Variants in GRID1 observed in about 807,000 individuals in gnomAD.
GRID1 encodes the protein glutamate receptor ionotropic, delta-1.
A neutral mutation model predicts 98.0 loss-of-function variants in GRID1; 28 were observed. The observed-to-expected ratio is 0.29, with a 90% CI of 0.21 to 0.39. The LOEUF is 0.39. GRID1 is among the 10% of genes least tolerant of loss of function. The probability of loss-of-function intolerance (pLI) is 1.00; values close to 1 mark genes in which losing one functional copy is unlikely to be tolerated. For synonymous variants in GRID1, 553 were observed against 538.5 expected, an observed-to-expected ratio of 1.03 and a Z score of -0.37; for missense variants, 1,111 against 1,340.5, an observed-to-expected ratio of 0.83 and a Z score of 2.67.
chr10:86,069,042 G>A (rs1277868371), intron 4 of GRID1, among the ~76,000 whole-genome samples: 1 of 152,112 alleles, frequency 6.6e-6, no homozygotes, highest in African/African-American at 2.4e-5. Flanking sequence ...TGGAGAAGCT[G>A]TGGGAAGGGG....
At chr10:86,234,156 A>T (rs898008139) in intron 2 of GRID1, among the ~76,000 whole-genome samples, 2 of 152,172 alleles carry the variant, frequency 1.3e-5, no homozygotes, top group Non-Finnish European at 2.9e-5. Context: ...TCTGTTTGCT[A>T]CCAGACCTTA....
intron 13 of GRID1, among the ~76,000 whole-genome samples, chr10:85,643,719 C>T (rs544644845): frequency 6.6e-6 from 1 of 152,008 alleles, no homozygotes; most frequent in East Asian, 1.9e-4. Flanking sequence ...TGCTGGCAGT[C>T]AGTTTTTTTT....
chr10:86,284,896 C>G (rs1187115619), intron 2 of GRID1, among the ~76,000 whole-genome samples: 1 of 152,160 alleles, frequency 6.6e-6, no homozygotes, highest in African/African-American at 2.4e-5. Context: ...CTGGCTCTAC[C>G]CTGGTCTGCA....
chr10:85,990,913 ACTT>A (rs935325706), intron 4 of GRID1, among the ~76,000 whole-genome samples: 9 of 152,150 alleles, frequency 5.9e-5, no homozygotes, highest in African/African-American at 1.9e-4. Flanking sequence ...GATACCCATA[ACTT>A]TAAGGTCACT....
intron 4 of GRID1, among the ~76,000 whole-genome samples, chr10:86,136,559 C>T (rs181617354): frequency 1.3e-5 from 2 of 152,310 alleles, no homozygotes; most frequent in Admixed American, 6.5e-5. Flanking sequence ...TTTCCATTTC[C>T]TCTGTCTGCA....
At chr10:86,269,261 G>A (rs776729578) in intron 2 of GRID1, among the ~76,000 whole-genome samples, 4 of 152,158 alleles carry the variant, frequency 2.6e-5, no homozygotes, top group Non-Finnish European at 5.9e-5. Context: ...GAGGGGTGGG[G>A]GCAGAATGAA....
At chr10:86,198,982 AG>A (rs1183975237) in intron 3 of GRID1, among the ~76,000 whole-genome samples, 18 of 152,194 alleles carry the variant, frequency 1.2e-4, no homozygotes, top group Non-Finnish European at 2.4e-4. Flanking sequence ...AGCTCAGAGA[AG>A]TCACCTTGCA....
At chr10:85,941,531 T>C (rs945479367) in intron 4 of GRID1, among the ~76,000 whole-genome samples, 6 of 152,260 alleles carry the variant, frequency 3.9e-5, no homozygotes, top group Admixed American at 2.0e-4. Flanking sequence ...GTACTTTTTA[T>C]ATTTTCCAAA....
chr10:85,646,258 A>G (rs1843188563), intron 13 of GRID1: 1 of 150,956 alleles, frequency 6.6e-6, no homozygotes, highest in Admixed American at 6.6e-5. Context: ...TCAGAGAGGC[A>G]GCGGTCCTGG....
At chr10:86,205,986 C>T (rs1446551446) in intron 3 of GRID1, among the ~76,000 whole-genome samples, 1 of 152,044 alleles carries the variant, frequency 6.6e-6, no homozygotes, top group East Asian at 1.9e-4. Context: ...GAAGGCCAGG[C>T]AATCGTCCAG....
intron 8 of GRID1, among the ~76,000 whole-genome samples, chr10:85,778,490 A>G (rs1198427496): frequency 6.6e-6 from 1 of 152,206 alleles, no homozygotes; most frequent in East Asian, 1.9e-4. Context: ...GCTCATCATT[A>G]TAGCGCCCCA....
intron 13 of GRID1, among the ~76,000 whole-genome samples, 173 bp from the exon 14 acceptor site, chr10:85,620,206 G>A (rs949773942): frequency 1.3e-5 from 2 of 152,200 alleles, no homozygotes; most frequent in Admixed American, 6.5e-5. Context: ...GCCAGCATTG[G>A]TTGAGGCCAC....
intron 4 of GRID1, among the ~76,000 whole-genome samples, chr10:85,953,657 C>T (rs989193385): frequency 6.6e-6 from 1 of 152,188 alleles, no homozygotes; most frequent in Non-Finnish European, 1.5e-5. Flanking sequence ...ATTGCAAACC[C>T]CTCTCTGCTG....
intron 3 of GRID1, among the ~76,000 whole-genome samples, chr10:86,201,543 A>C (rs960967435): frequency 6.6e-6 from 1 of 152,054 alleles, no homozygotes; most frequent in African/African-American, 2.4e-5. Flanking sequence ...TGGAGAGTGG[A>C]GGGTAGGAGG....
At position 85,600,419 on chromosome 10, in the gene GRID1, C is replaced by T. The variant is rs1233252750; in HGVS notation, c.*1854G>A. 6.6e-6 allele frequency: 1 copy of T among 152,232 alleles called. No homozygotes were observed. Among genetic ancestry groups the T allele is most frequent in the Non-Finnish European group, 1.5e-5 (1 of 68,040 alleles). The allele number at this position is 152,232 out of a possible 1,614,324, so 9.4% of individuals were successfully genotyped here. The stretch of plus-strand genomic sequence containing the variant: ...ATTTGGCCGTTCTTTACTGCTCAAT[C>T]ATGTCACTAGGGACTTTAGGAAAGA... On this transcript the variant is annotated 3_prime_UTR_variant, in exon 16 of 16. Transcript: ENST00000327946.
chr10:85,632,056 A>T (rs898887514), intron 13 of GRID1, among the ~76,000 whole-genome samples: 1 of 151,982 alleles, frequency 6.6e-6, no homozygotes, highest in Non-Finnish European at 1.5e-5. Flanking sequence ...TTGCTCCCCT[A>T]GCATGATGTC....
At chr10:86,125,245 A>G (rs1353213247) in intron 4 of GRID1, among the ~76,000 whole-genome samples, 1 of 152,330 alleles carries the variant, frequency 6.6e-6, no homozygotes, top group East Asian at 1.9e-4. Context: ...GCTACTTCTC[A>G]TGCTAACGGT....
chr10:86,252,466 C>A (rs2255475), intron 2 of GRID1, among the ~76,000 whole-genome samples: 117,696 of 152,162 alleles, frequency 0.77, 46,251 homozygotes, highest in Non-Finnish European at 0.83. Context: ...GGATTACTTA[C>A]GGGTCTGTGT....
chr10:85,949,985 T>C (rs1842099391), intron 4 of GRID1, among the ~76,000 whole-genome samples: 1 of 151,862 alleles, frequency 6.6e-6, no homozygotes, highest in South Asian at 2.1e-4. Flanking sequence ...GATGGATGGA[T>C]AGATGGGTGA....
Sources: gnomAD v4.1 joint callset for allele counts (sites outside exome capture counted in the v4.1 genomes callset) on GRCh38, gnomAD v4.1.1 for gene constraint, MANE v1.5 for transcripts, NCBI Gene and HGNC (gene_info 2026-07-23, HGNC 2026-07-21) for gene names.